LGSN: variants seen among roughly 807,000 people sequenced by gnomAD.
The protein encoded by LGSN is lengsin, lens protein with glutamine synthetase domain.
A neutral mutation model predicts 19.5 loss-of-function variants in LGSN; 21 were observed. That is an observed-to-expected ratio of 1.07 (90% CI 0.76 to 1.55). The LOEUF (loss-of-function observed/expected upper bound fraction) is 1.55. Among genes scored for constraint, LGSN ranks in the 40% most tolerant of loss-of-function variants. The pLI, the probability that LGSN is intolerant of heterozygous loss-of-function variation, is 0.00. For missense variants in LGSN, 673 were observed against 608.5 expected (o/e 1.11, Z -1.12); for synonymous variants, 257 against 215.6 (o/e 1.19, Z -1.68).
chr6:63,398,321 T>C, the LGSN span, among the ~76,000 whole-genome samples: 2 of 151,912 alleles, frequency 1.3e-5, no homozygotes, highest in Non-Finnish European at 2.9e-5. Flanking sequence ...ATGTGTGTTA[T>C]TGCCCCTGAA....
At chr6:63,378,225 G>A in the LGSN span, among the ~76,000 whole-genome samples, 55 of 152,112 alleles carry the variant, frequency 3.6e-4, no homozygotes, top group Admixed American at 3.3e-3. Flanking sequence ...TCTCATATCC[G>A]CAACAATAGA....
chr6:63,493,912 T>G, the LGSN span, among the ~76,000 whole-genome samples: 4,034 of 152,094 alleles, frequency 0.027, 64 homozygotes, highest in Non-Finnish European at 0.041. Flanking sequence ...TCATTGTATC[T>G]CAGGTGCCCT....
chr6:63,346,233 C>G, the LGSN span, among the ~76,000 whole-genome samples: 2 of 151,740 alleles, frequency 1.3e-5, no homozygotes, highest in South Asian at 4.2e-4. Context: ...TCTTGGTGGG[C>G]GTCTGCATGG....
chr6:63,324,802 C>A (rs1301269420), upstream of LGSN, among the ~76,000 whole-genome samples: 3 of 149,060 alleles, frequency 2.0e-5, no homozygotes, highest in Admixed American at 1.3e-4. Context: ...GCAATAAACA[C>A]CTACATAAAA....
At chr6:63,539,734 A>C in the LGSN span, among the ~76,000 whole-genome samples, 2 of 151,614 alleles carry the variant, frequency 1.3e-5, no homozygotes, top group African/African-American at 2.4e-5. Context: ...GTACCACTGC[A>C]CTCTAGCCTG....
At chr6:63,548,396 T>C in the LGSN span, among the ~76,000 whole-genome samples, 1 of 152,218 alleles carries the variant, frequency 6.6e-6, no homozygotes, top group Non-Finnish European at 1.5e-5. Flanking sequence ...AGAACGGCAC[T>C]AGGCAAGCAC....
At chr6:63,373,704 G>T in the LGSN span, among the ~76,000 whole-genome samples, 1 of 152,164 alleles carries the variant, frequency 6.6e-6, no homozygotes, top group Non-Finnish European at 1.5e-5. Context: ...AGGGAGTGGT[G>T]GCTCATGCCT....
intron 1 of LGSN, among the ~76,000 whole-genome samples, chr6:63,314,800 G>C (rs114994104): frequency 0.027 from 4,033 of 152,178 alleles, 178 homozygotes; most frequent in African/African-American, 0.093. Context: ...AACTGAGAAA[G>C]AGCCGACTCA....
At chr6:63,451,675 T>C in the LGSN span, among the ~76,000 whole-genome samples, 1 of 151,960 alleles carries the variant, frequency 6.6e-6, no homozygotes. Context: ...GGTGATGAAA[T>C]AATCTGTACA....
At chr6:63,554,178 T>G in the LGSN span, among the ~76,000 whole-genome samples, 1 of 152,182 alleles carries the variant, frequency 6.6e-6, no homozygotes, top group East Asian at 1.9e-4. Context: ...TCACCAGAAG[T>G]GTATTTAGTT....
At chr6:63,306,031 C>A (rs537426049) in intron 1 of LGSN, among the ~76,000 whole-genome samples, 1 of 151,986 alleles carries the variant, frequency 6.6e-6, no homozygotes, top group African/African-American at 2.4e-5. Context: ...CGCACCACTG[C>A]ACTCCAGCCT....
the LGSN span, among the ~76,000 whole-genome samples, chr6:63,377,238 G>T: frequency 6.6e-6 from 1 of 152,138 alleles, no homozygotes; most frequent in African/African-American, 2.4e-5. Flanking sequence ...AGACGCTAAC[G>T]TATCCTTTAT....
the LGSN span, among the ~76,000 whole-genome samples, chr6:63,423,465 G>A: frequency 2.0e-5 from 3 of 148,934 alleles, no homozygotes; most frequent in African/African-American, 7.5e-5. Flanking sequence ...GCAAAACTCT[G>A]TCTCTACCAA....
chr6:63,281,295 G>A lies in LGSN; in HGVS notation c.331-75C>T, dbSNP rs1188400856. 6 of 364,298 alleles carry A rather than the reference G, an allele frequency of 1.6e-5. No homozygotes were observed. In the East Asian group the frequency reaches 3.5e-4, roughly 21 times the overall value. The allele number at this position is 364,298 out of a possible 1,614,324, so 22.6% of individuals were successfully genotyped here. On this transcript the variant is annotated intron_variant, in intron 3 of 3. Coordinates refer to ENST00000370657, the MANE Select transcript of LGSN (RefSeq NM_016571.3). ...GGTCGGGGGGCGGCGGGAAAGCCTT[G>A]CTAATGAAAATATATATATATATAT...
chr6:63,336,272 A>T, the LGSN span, among the ~76,000 whole-genome samples: 5 of 152,224 alleles, frequency 3.3e-5, no homozygotes, highest in African/African-American at 4.8e-5. Flanking sequence ...AATTATAAAT[A>T]CTTGGATAAT....
At chr6:63,511,421 T>C in the LGSN span, among the ~76,000 whole-genome samples, 2 of 152,036 alleles carry the variant, frequency 1.3e-5, no homozygotes, top group Non-Finnish European at 2.9e-5. Flanking sequence ...GCCCAGCTAA[T>C]TTTTGTACTT....
chr6:63,350,720 C>T, the LGSN span, among the ~76,000 whole-genome samples: 4 of 151,986 alleles, frequency 2.6e-5, no homozygotes, highest in South Asian at 2.1e-4. Flanking sequence ...GACATGGCAG[C>T]GCACACCTGT....
chr6:63,525,456 C>T, the LGSN span, among the ~76,000 whole-genome samples: 3 of 152,206 alleles, frequency 2.0e-5, no homozygotes, highest in African/African-American at 4.8e-5. Flanking sequence ...TGGTTCTTCA[C>T]GCCAGCAGTT....
At chr6:63,368,928 G>A in the LGSN span, among the ~76,000 whole-genome samples, 2 of 152,170 alleles carry the variant, frequency 1.3e-5, no homozygotes, top group Non-Finnish European at 2.9e-5. Flanking sequence ...TTCCAGGTGA[G>A]CCACATCAAA....
Sources: gnomAD v4.1 joint callset for allele counts (sites outside exome capture counted in the v4.1 genomes callset) on GRCh38, gnomAD v4.1.1 for gene constraint, MANE v1.5 for transcripts, NCBI Gene and HGNC (gene_info 2026-07-23, HGNC 2026-07-21) for gene names.